GRID2: variants seen among roughly 807,000 people sequenced by gnomAD.
GRID2 encodes the protein glutamate receptor ionotropic, delta-2.
A neutral mutation model predicts 114.8 loss-of-function variants in GRID2; 33 were observed. The observed-to-expected ratio is 0.29, with a 90% CI of 0.22 to 0.38. The LOEUF (loss-of-function observed/expected upper bound fraction) is 0.38. Ranked by LOEUF, GRID2 falls within the 10% of genes least tolerant of loss-of-function variation. The pLI, the probability that GRID2 is intolerant of heterozygous loss-of-function variation, is 1.00. For synonymous variants in GRID2, 505 were observed against 449.9 expected, an observed-to-expected ratio of 1.12 and a Z score of -1.55; for missense variants, 1,184 against 1,257.7, an observed-to-expected ratio of 0.94 and a Z score of 0.89.
At chr4:93,314,606 G>A (rs1274117440) in intron 8 of GRID2, among the ~76,000 whole-genome samples, 1 of 151,994 alleles carries the variant, frequency 6.6e-6, no homozygotes, top group African/African-American at 2.4e-5. Context: ...TTATTAATAA[G>A]CCTGCCCCGA....
At chr4:93,061,626 A>T (rs1727818150) in intron 2 of GRID2, among the ~76,000 whole-genome samples, 1 of 152,196 alleles carries the variant, frequency 6.6e-6, no homozygotes, top group South Asian at 2.1e-4. Context: ...AGCAACTCAC[A>T]ATACTAAACA....
rs1018661718 is a variant in GRID2 at position 93,592,488 on chromosome 4, A to G, written c.2194-33781A>G. 4.7e-4 allele frequency among the ~76,000 whole-genome samples: 72 copies of G among 152,208 alleles called. No homozygotes were observed. The Middle Eastern group carries it at 0.01, about 22-fold the overall frequency. Reference sequence around the variant, plus strand: ...TGCTTTACTTCCAAGTATGTGGTCAATTTTGGAATAGGTGTGGTGTGGTGC... The same window carrying G: ...TGCTTTACTTCCAAGTATGTGGTCAGTTTTGGAATAGGTGTGGTGTGGTGC... On this transcript the variant is annotated intron_variant, in intron 13 of 15. Coordinates refer to ENST00000282020, the MANE Select transcript of GRID2 (RefSeq NM_001510.4).
intron 14 of GRID2, among the ~76,000 whole-genome samples, chr4:93,656,879 T>A (rs74884454): frequency 0.1 from 15,065 of 144,142 alleles, 1,023 homozygotes; most frequent in Middle Eastern, 0.13. Flanking sequence ...AGCTGTCATT[T>A]CAATTGAATT....
intron 11 of GRID2, among the ~76,000 whole-genome samples, chr4:93,487,101 A>C (rs886319423): frequency 6.6e-6 from 1 of 151,734 alleles, no homozygotes; most frequent in Non-Finnish European, 1.5e-5. Flanking sequence ...TATTGGCATA[A>C]ATTTGTACAT....
intron 8 of GRID2, among the ~76,000 whole-genome samples, chr4:93,313,762 T>C (rs1284332369): frequency 6.6e-6 from 1 of 152,182 alleles, no homozygotes; most frequent in African/African-American, 2.4e-5. Flanking sequence ...TCAAAGCTAT[T>C]ATGCAAAGAG....
In GRID2 at chr4:92,639,555, C is replaced by T. The variant is rs17019737; in HGVS notation, c.244+49269C>T. ...AGGTTTTGAATAAGCAGTTTAGTAT[C>T]TGTGAAGCTTTGTTTTCTCCTATAC... On this transcript the variant is annotated intron_variant, in intron 2 of 15. Transcript: ENST00000282020. Among the ~76,000 whole-genome samples, 8 of 151,682 alleles carry T rather than the reference C, an allele frequency of 5.3e-5. No homozygotes were observed. The East Asian group carries it at 1.6e-3, about 29-fold the overall frequency.
intron 4 of GRID2, among the ~76,000 whole-genome samples, chr4:93,112,956 G>C (rs1169915248): frequency 2.6e-5 from 4 of 152,034 alleles, no homozygotes; most frequent in Non-Finnish European, 5.9e-5. Flanking sequence ...CCTCTGTAAA[G>C]ACCTTATCTC....
At chr4:93,556,556 AAAAAAGGAAT>A (rs986351755) in intron 13 of GRID2, among the ~76,000 whole-genome samples, 1 of 152,186 alleles carries the variant, frequency 6.6e-6, no homozygotes, top group African/African-American at 2.4e-5. Context: ...AAGATTAGAG[AAAAAAGGAAT>A]AAAAAGGAAG....
intron 1 of GRID2, among the ~76,000 whole-genome samples, chr4:93,790,535 T>A (rs1464900915): frequency 1.5e-5 from 2 of 132,678 alleles, no homozygotes; most frequent in African/African-American, 5.5e-5. Context: ...CCTCAAAAAA[T>A]GTTATTTAAC....
chr4:92,502,712 T>A, intron 1 of GRID2, among the ~76,000 whole-genome samples: 1 of 111,790 alleles, frequency 8.9e-6, no homozygotes. Context: ...TTTCTTTTTT[T>A]TTTTTTTTTT....
At position 93,593,199 on chromosome 4, in the gene GRID2, T is replaced by C. The variant is rs537422794; in HGVS notation, c.2194-33070T>C. Among the ~76,000 whole-genome samples, 123 of 148,828 alleles carry C rather than the reference T, an allele frequency of 8.3e-4. 3 individuals carry two copies. Among genetic ancestry groups the C allele is most frequent in the African/African-American group, 3.0e-3 (121 of 40,938 alleles). ...ATTTTGCAGCAGCTGGTACCGGTTGTTCCTTTCCATGTTTAGCGCTTCCTT... is the reference window on the plus strand; with the variant it reads ...ATTTTGCAGCAGCTGGTACCGGTTGCTCCTTTCCATGTTTAGCGCTTCCTT... On this transcript the variant is annotated intron_variant, in intron 13 of 15. Transcript: ENST00000282020.
chr4:92,895,713 C>G (rs1747118989), intron 2 of GRID2, among the ~76,000 whole-genome samples: 1 of 151,932 alleles, frequency 6.6e-6, no homozygotes, highest in African/African-American at 2.4e-5. Context: ...TAACTAACTA[C>G]TGTGCCAGAC....
chr4:93,011,006 A>G (rs1722075893), intron 2 of GRID2, among the ~76,000 whole-genome samples: 1 of 151,314 alleles, frequency 6.6e-6, no homozygotes, highest in Non-Finnish European at 1.5e-5. Context: ...TGACCTTTTT[A>G]GATTTCATTT....
intron 13 of GRID2, among the ~76,000 whole-genome samples, chr4:93,521,613 G>T (rs1730345448): frequency 6.6e-6 from 1 of 152,004 alleles, no homozygotes; most frequent in African/African-American, 2.4e-5. Context: ...TAGAGTAGAA[G>T]AAGAGATTAG....
At chr4:93,242,181 A>T (rs1420357432) in intron 8 of GRID2, among the ~76,000 whole-genome samples, 1 of 152,076 alleles carries the variant, frequency 6.6e-6, no homozygotes, top group East Asian at 1.9e-4. Context: ...AGGCAAGATT[A>T]TCTTCTAATT....
intron 2 of GRID2, among the ~76,000 whole-genome samples, chr4:93,001,732 G>A (rs550422979): frequency 6.6e-5 from 10 of 151,822 alleles, no homozygotes; most frequent in Non-Finnish European, 1.3e-4. Flanking sequence ...TATCAGCTGT[G>A]TGCTGGGTCA....
chr4:92,800,742 T>C (rs1298161923), intron 2 of GRID2, among the ~76,000 whole-genome samples: 21 of 151,986 alleles, frequency 1.4e-4, no homozygotes. Context: ...CATCTGATTC[T>C]GGTATTTTAG....
chr4:92,748,420 C>G (rs1173326035), intron 2 of GRID2, among the ~76,000 whole-genome samples: 1 of 151,890 alleles, frequency 6.6e-6, no homozygotes, highest in Non-Finnish European at 1.5e-5. Flanking sequence ...TGACTTCATC[C>G]TGAAAAACTA....
chr4:92,873,933 CGAACACCTGACCTCAGGT>C (rs1745452037), intron 2 of GRID2, among the ~76,000 whole-genome samples: 1 of 152,050 alleles, frequency 6.6e-6, no homozygotes, highest in African/African-American at 2.4e-5. Context: ...AGGCTGGTCT[CGAACACCTGACCTCAGGT>C]GATCCACCTG....
Sources: allele counts gnomAD v4.1 joint callset (sites outside exome capture counted in the v4.1 genomes callset), GRCh38; gene constraint gnomAD v4.1.1; transcripts MANE v1.5; gene names NCBI Gene and HGNC (gene_info 2026-07-23, HGNC 2026-07-21).